The following VWA8 variants were observed in gnomAD, a reference collection of about 807,000 sequenced individuals.
VWA8 encodes the protein von Willebrand factor A domain-containing protein 8.
VWA8 carries 221 observed loss-of-function variants against 241.5 expected under a neutral mutation model. The observed-to-expected ratio is 0.91, with a 90% confidence interval of 0.82 to 1.02. The LOEUF (loss-of-function observed/expected upper bound fraction) is 1.02, where lower values mean the gene tolerates loss of function less well. Ranked by LOEUF, VWA8 falls within the 50% of genes least tolerant of loss-of-function variation. VWA8 has a pLI of 0.00. For missense variants in VWA8, 2,322 were observed against 2,328.7 expected (o/e 1.00, Z 0.06); for synonymous variants, 852 against 827.1 (o/e 1.03, Z -0.52).
intron 43 of VWA8, among the ~76,000 whole-genome samples, chr13:41,573,486 A>AATAAATAAATAAATATATAT (rs1555303591): frequency 3.5e-4 from 40 of 113,592 alleles, no homozygotes; most frequent in African/African-American, 1.2e-3. Context: ...AAAAAAAAAA[A>AATAAATAAATAAATATATAT]ATATATATAT....
chr13:41,816,867 T>C, intron 15 of VWA8, 92 bp from the exon 16 acceptor site: 2 of 968,626 alleles, frequency 2.1e-6, no homozygotes, highest in Non-Finnish European at 3.2e-6. Context: ...GCAAATAATA[T>C]TAGAATTACA....
At chr13:41,710,414 C>T (rs958606604) in intron 26 of VWA8, among the ~76,000 whole-genome samples, 3 of 152,078 alleles carry the variant, frequency 2.0e-5, no homozygotes, top group African/African-American at 7.2e-5. Flanking sequence ...TATGTAGATT[C>T]GTTTTGTATC....
Position 41,811,341 on chromosome 13 carries a change from C to T in VWA8, c.1948-1G>A. On this transcript the variant is annotated splice_acceptor_variant, in intron 16 of 44. Coordinates refer to ENST00000379310, the MANE Select transcript of VWA8 (RefSeq NM_015058.2). LOFTEE classifies it high-confidence loss of function. Reference sequence around the variant, plus strand: ...AAAGTGATGCCGCTAATGATTGTGCCTATCAAAAGACAAATACATTGTGTT... The same window carrying T: ...AAAGTGATGCCGCTAATGATTGTGCTTATCAAAAGACAAATACATTGTGTT... 1 of 1,605,240 alleles carries T rather than the reference C, an allele frequency of 6.2e-7. No individual in the cohort carries two copies. The highest frequency in any genetic ancestry group is 8.5e-7 in the Non-Finnish European group (1 of 1,173,366).
chr13:41,759,456 T>C (rs1009763618), intron 21 of VWA8, among the ~76,000 whole-genome samples: 2 of 151,702 alleles, frequency 1.3e-5, no homozygotes, highest in Non-Finnish European at 3.0e-5. Flanking sequence ...GGTGATGTTA[T>C]CTTTTTTATC....
chr13:41,873,137 G>A (rs546404739), intron 9 of VWA8, among the ~76,000 whole-genome samples: 10 of 152,082 alleles, frequency 6.6e-5, no homozygotes, highest in African/African-American at 1.7e-4. Flanking sequence ...AAACCAACGA[G>A]AACAAAGACA....
intron 21 of VWA8, among the ~76,000 whole-genome samples, chr13:41,747,073 C>T (rs977180891): frequency 1.3e-5 from 2 of 152,150 alleles, no homozygotes; most frequent in East Asian, 3.8e-4. Flanking sequence ...ATTGACTTGG[C>T]AATGCGGGCT....
intron 25 of VWA8, among the ~76,000 whole-genome samples, chr13:41,720,946 CA>C (rs1326140091): frequency 6.6e-6 from 1 of 152,158 alleles, no homozygotes; most frequent in African/African-American, 2.4e-5. Flanking sequence ...GCGGTATTTA[CA>C]GGTATTTAAT....
chr13:41,908,623 A>T (rs910542113), intron 3 of VWA8, among the ~76,000 whole-genome samples: 1 of 152,182 alleles, frequency 6.6e-6, no homozygotes, highest in African/African-American at 2.4e-5. Context: ...GAGTAGAAGG[A>T]ACAGAAAGAG....
intron 26 of VWA8, among the ~76,000 whole-genome samples, chr13:41,710,483 G>A (rs2045309304): frequency 6.6e-6 from 1 of 152,192 alleles, no homozygotes; most frequent in African/African-American, 2.4e-5. Flanking sequence ...AATATGCCAA[G>A]AGAATATAAG....
At chr13:41,808,040 C>A (rs552249552) in intron 17 of VWA8, 83 of 152,084 alleles carry the variant, frequency 5.5e-4, no homozygotes, top group African/African-American at 1.9e-3. Flanking sequence ...ATGAAACAAA[C>A]CAACAAACAA....
intron 26 of VWA8, among the ~76,000 whole-genome samples, chr13:41,716,545 C>A (rs2045349143): frequency 6.6e-6 from 1 of 151,974 alleles, no homozygotes; most frequent in Non-Finnish European, 1.5e-5. Context: ...TATCTTGGCC[C>A]TTGTAAAAAA....
chr13:41,851,504 G>T (rs1205163973), intron 12 of VWA8, among the ~76,000 whole-genome samples: 1 of 152,168 alleles, frequency 6.6e-6, no homozygotes, highest in East Asian at 1.9e-4. Flanking sequence ...GGAAGTAATT[G>T]AATCATGGAG....
chr13:41,670,002 T>G (rs139751900), intron 37 of VWA8, among the ~76,000 whole-genome samples: 1 of 152,324 alleles, frequency 6.6e-6, no homozygotes, highest in African/African-American at 2.4e-5. Flanking sequence ...TTTAAGGATC[T>G]AAGAGAATTA....
chr13:41,800,291 A>G (rs1385487163), intron 17 of VWA8, among the ~76,000 whole-genome samples: 1 of 152,136 alleles, frequency 6.6e-6, no homozygotes, highest in Non-Finnish European at 1.5e-5. Context: ...GATTCCTAGG[A>G]GTGGAACTGT....
At chr13:41,891,865 A>G (rs910951633) in intron 4 of VWA8, among the ~76,000 whole-genome samples, 1 of 152,244 alleles carries the variant, frequency 6.6e-6, no homozygotes, top group African/African-American at 2.4e-5. Context: ...TATATACCCA[A>G]TGAAATAAAA....
intron 17 of VWA8, among the ~76,000 whole-genome samples, chr13:41,809,981 A>C (rs894118928): frequency 1.3e-5 from 2 of 152,198 alleles, no homozygotes; most frequent in African/African-American, 4.8e-5. Context: ...CAAATGGCAC[A>C]CAGGTATATG....
At chr13:41,953,848 T>C (rs1593895190) in intron 1 of VWA8, among the ~76,000 whole-genome samples, 1 of 143,096 alleles carries the variant, frequency 7.0e-6, no homozygotes, top group East Asian at 2.1e-4. Context: ...ATGGAAGTCA[T>C]AAAGATTATG....
chr13:41,694,683 C>T (rs1202120377), intron 29 of VWA8, among the ~76,000 whole-genome samples: 1 of 151,996 alleles, frequency 6.6e-6, no homozygotes, highest in African/African-American at 2.4e-5. Context: ...ATTCTTAGCA[C>T]TTAAGCAATT....
At chr13:41,575,656 C>A in intron 43 of VWA8, 84 bp downstream of exon 43, 1 of 957,762 alleles carries the variant, frequency 1.0e-6, no homozygotes, top group Non-Finnish European at 1.6e-6. Flanking sequence ...TCCTGTGTAT[C>A]TGCTGCTGCT....
Sources: gnomAD v4.1 joint callset for allele counts (sites outside exome capture counted in the v4.1 genomes callset) on GRCh38, gnomAD v4.1.1 for gene constraint, MANE v1.5 for transcripts, NCBI Gene and HGNC (gene_info 2026-07-23, HGNC 2026-07-21) for gene names.